Variants in KCTD16 observed in about 807,000 individuals in gnomAD.
The protein encoded by KCTD16 is potassium channel tetramerization domain containing 16, also known as BTB/POZ domain-containing protein KCTD16.
A neutral mutation model predicts 33.2 loss-of-function variants in KCTD16; 13 were observed. That is an observed-to-expected ratio of 0.39 (90% CI 0.25 to 0.62). The LOEUF is 0.62. KCTD16 is among the 20% of genes least tolerant of loss of function. KCTD16 has a pLI of 0.50. For synonymous variants in KCTD16, 197 were observed against 195.3 expected, an observed-to-expected ratio of 1.01 and a Z score of -0.07; for missense variants, 441 against 525.1, an observed-to-expected ratio of 0.84 and a Z score of 1.57.
chr5:144,287,163 C>G (rs532841301), intron 3 of KCTD16, among the ~76,000 whole-genome samples: 1 of 152,258 alleles, frequency 6.6e-6, no homozygotes, highest in East Asian at 1.9e-4. Context: ...TGGAAACATC[C>G]TAGATTGCCA....
intron 3 of KCTD16, among the ~76,000 whole-genome samples, chr5:144,296,141 C>T (rs1265650481): frequency 6.6e-6 from 1 of 152,156 alleles, no homozygotes; most frequent in Non-Finnish European, 1.5e-5. Context: ...CTCATGGAAA[C>T]TTCTCTACAG....
rs1754616880 is a variant in KCTD16, at chr5:144,477,352, T to C, written c.*3238T>C. 9 of 152,146 alleles carry C rather than the reference T, an allele frequency of 5.9e-5. No individual in the cohort carries two copies. Among genetic ancestry groups the C allele is most frequent in the Admixed American group, 5.9e-4 (9 of 15,266 alleles). The allele number at this position is 152,146 out of a possible 1,614,324, so 9.4% of individuals were successfully genotyped here. On this transcript the variant is annotated 3_prime_UTR_variant, in exon 4 of 4. Transcript: ENST00000512467. The stretch of plus-strand genomic sequence containing the variant: ...TTACTGAAAATGCATGCATGGTGAA[T>C]TAAAATAAAAGGGGGAACAATGCAC...
At chr5:144,317,426 T>A (rs956510259) in intron 3 of KCTD16, among the ~76,000 whole-genome samples, 3 of 152,180 alleles carry the variant, frequency 2.0e-5, no homozygotes, top group Non-Finnish European at 4.4e-5. Context: ...AACAGTAGAT[T>A]TCTGGGCCTC....
intron 3 of KCTD16, among the ~76,000 whole-genome samples, chr5:144,467,081 AGTGT>A (rs1754360956): frequency 2.3e-5 from 3 of 131,698 alleles, no homozygotes; most frequent in Non-Finnish European, 3.3e-5. Context: ...TAATATATAT[AGTGT>A]TATATATATT....
intron 3 of KCTD16, among the ~76,000 whole-genome samples, chr5:144,415,198 G>A (rs1335940177): frequency 1.3e-5 from 2 of 152,222 alleles, no homozygotes; most frequent in East Asian, 1.9e-4. Context: ...CAACTCCCAT[G>A]ATAATGAACC....
intron 3 of KCTD16, among the ~76,000 whole-genome samples, chr5:144,228,458 G>T (rs1754000008): frequency 6.6e-6 from 1 of 152,206 alleles, no homozygotes; most frequent in Admixed American, 6.5e-5. Flanking sequence ...ATGAACTGCT[G>T]AGGGCAAAAG....
At chr5:144,405,368 G>T (rs1008186983) in intron 3 of KCTD16, among the ~76,000 whole-genome samples, 1 of 152,200 alleles carries the variant, frequency 6.6e-6, no homozygotes, top group Non-Finnish European at 1.5e-5. Context: ...TGAGAATGTT[G>T]TGAGCTTTAA....
At chr5:144,290,386 G>C (rs1755863304) in intron 3 of KCTD16, among the ~76,000 whole-genome samples, 1 of 152,186 alleles carries the variant, frequency 6.6e-6, no homozygotes, top group African/African-American at 2.4e-5. Context: ...ATGGACTGAA[G>C]TGGCTGAGAT....
intron 3 of KCTD16, among the ~76,000 whole-genome samples, chr5:144,264,634 A>G (rs1302320436): frequency 1.3e-5 from 2 of 152,114 alleles, no homozygotes; most frequent in African/African-American, 4.8e-5. Flanking sequence ...TTAGCTGGGC[A>G]TGGTGGTGCC....
intron 3 of KCTD16, among the ~76,000 whole-genome samples, chr5:144,258,978 G>C (rs1314631118): frequency 6.6e-6 from 1 of 152,120 alleles, no homozygotes; most frequent in Non-Finnish European, 1.5e-5. Flanking sequence ...AAGGGATGAG[G>C]CCGGGTGCGG....
At chr5:144,387,506 T>C (rs1245542345) in intron 3 of KCTD16, among the ~76,000 whole-genome samples, 1 of 152,172 alleles carries the variant, frequency 6.6e-6, no homozygotes, top group Non-Finnish European at 1.5e-5. Context: ...TAATTTTTCA[T>C]TGTAAGGAGT....
At chr5:144,463,892 G>GA (rs903945410) in intron 3 of KCTD16, among the ~76,000 whole-genome samples, 1 of 152,102 alleles carries the variant, frequency 6.6e-6, no homozygotes, top group Non-Finnish European at 1.5e-5. Context: ...GCCTATATGG[G>GA]AAAAAATATT....
chr5:144,172,517 C>A (rs1752413183), intron 1 of KCTD16, among the ~76,000 whole-genome samples: 1 of 152,140 alleles, frequency 6.6e-6, no homozygotes, highest in Admixed American at 6.5e-5. Context: ...TTTGTGCTTT[C>A]TAACTATATT....
chr5:144,333,914 G>A lies in KCTD16; in HGVS notation c.832+126368G>A, dbSNP rs551879622. ...CCTCTTTTCCCTCCATCTTTTCTTT[G>A]TGTCTGGAACCTACTCTAAAATTCA... On this transcript the variant is annotated intron_variant, in intron 3 of 3. Transcript: ENST00000512467. Among the ~76,000 whole-genome samples, 3 of 152,022 alleles carry A rather than the reference G, an allele frequency of 2.0e-5. No individual in the cohort carries two copies. The South Asian group carries it at 6.2e-4, about 31-fold the overall frequency.
intron 2 of KCTD16, among the ~76,000 whole-genome samples, chr5:144,180,393 C>T (rs1196564926): frequency 6.6e-6 from 1 of 152,126 alleles, no homozygotes; most frequent in Non-Finnish European, 1.5e-5. Flanking sequence ...ATTCTTCTGC[C>T]ATATTTCTCA....
At chr5:144,330,376 G>A (rs568790538) in intron 3 of KCTD16, among the ~76,000 whole-genome samples, 1 of 134,478 alleles carries the variant, frequency 7.4e-6, no homozygotes, top group South Asian at 2.3e-4. Flanking sequence ...ACATACCACT[G>A]CACTCCAGCC....
intron 3 of KCTD16, among the ~76,000 whole-genome samples, chr5:144,298,012 G>C (rs1436332001): frequency 2.0e-5 from 3 of 152,188 alleles, no homozygotes; most frequent in Non-Finnish European, 4.4e-5. Context: ...GGTGTCCGCT[G>C]TGCTCCTGAT....
chr5:144,456,855 C>T (rs1032819157), intron 3 of KCTD16, among the ~76,000 whole-genome samples: 5 of 150,868 alleles, frequency 3.3e-5, no homozygotes, highest in African/African-American at 9.8e-5. Context: ...AAGATAGACA[C>T]TTTGAAATTG....
In KCTD16 at chr5:144,224,384, T is replaced by TG. The variant is rs66716225; in HGVS notation, c.832+16838_832+16839insG. On this transcript the variant is annotated intron_variant, in intron 3 of 3. Transcript: ENST00000512467. ...ATTTTTATTGGATCAATATAATGTGTTTTTTTTTTTTTTTTTTTTTCCTCC... is the reference window on the plus strand; with the variant it reads ...ATTTTTATTGGATCAATATAATGTGTGTTTTTTTTTTTTTTTTTTTTCCTCC... Among the ~76,000 whole-genome samples the TG allele has an allele frequency of 2.9e-3, 5 of 1,716 alleles. No individual in the cohort carries two copies. The Admixed American group carries it at 0.042, about 14-fold the overall frequency. 1.1% of individuals were successfully genotyped at this position (1,716 alleles called of 152,430 possible). A position where few individuals can be genotyped will look rare whatever the true frequency, so the allele number is the denominator to read the frequency against.
Sources: allele counts gnomAD v4.1 joint callset (sites outside exome capture counted in the v4.1 genomes callset), GRCh38; gene constraint gnomAD v4.1.1; transcripts MANE v1.5; gene names NCBI Gene and HGNC (gene_info 2026-07-23, HGNC 2026-07-21).